AKAP11: variants seen among roughly 807,000 people sequenced by gnomAD.
The protein encoded by AKAP11 is A-kinase anchoring protein 11.
In AKAP11, 36 loss-of-function variants were observed where a neutral mutation model predicts 146.1. The ratio of observed to expected loss-of-function variants is 0.25; its 90% CI spans 0.19 to 0.33. The LOEUF (loss-of-function observed/expected upper bound fraction) is 0.33, where lower values mean the gene tolerates loss of function less well. Among genes scored for constraint, AKAP11 ranks in the 10% least tolerant of loss-of-function variants. The pLI, the probability that AKAP11 is intolerant of heterozygous loss-of-function variation, is 1.00. For synonymous variants in AKAP11, 780 were observed against 786.5 expected, an observed-to-expected ratio of 0.99 and a Z score of 0.14; for missense variants, 2,201 against 2,197.0, an observed-to-expected ratio of 1.00 and a Z score of -0.04.
intron 3 of AKAP11, among the ~76,000 whole-genome samples, chr13:42,291,573 A>T (rs1566264029): frequency 6.6e-6 from 1 of 152,198 alleles, no homozygotes; most frequent in Non-Finnish European, 1.5e-5. Flanking sequence ...TTTGGTGTGG[A>T]TTAAATGATC....
In AKAP11 at chr13:42,319,906, G is replaced by GGTGT. The variant is rs3038992; in HGVS notation, c.*719_*722dup. The GGTGT allele has an allele frequency of 0.058, 7,632 of 132,636 alleles. 288 individuals carry two copies. The highest frequency in any genetic ancestry group is 0.07 in the Non-Finnish European group (4,321 of 62,064). The allele number at this position is 132,636 out of a possible 1,614,324, so 8.2% of individuals were successfully genotyped here. A position where few individuals can be genotyped will look rare whatever the true frequency, so the allele number is the denominator to read the frequency against. ...TGCTGCCAGTCATTCTGGCATGAAA[G>GGTGT]GTGTGTGTGTGTGTGTGTGTGTGTG... On this transcript the variant is annotated 3_prime_UTR_variant, in exon 13 of 13. Coordinates refer to ENST00000025301, the MANE Select transcript of AKAP11 (RefSeq NM_016248.4).
chr13:42,311,267 A>C (rs1960550406), intron 9 of AKAP11, among the ~76,000 whole-genome samples: 1 of 152,186 alleles, frequency 6.6e-6, no homozygotes, highest in South Asian at 2.1e-4. Flanking sequence ...GAAAAGACAT[A>C]AAAGAAAGTG....
At chr13:42,281,950 A>G (rs1055567249) in intron 1 of AKAP11, among the ~76,000 whole-genome samples, 3 of 151,734 alleles carry the variant, frequency 2.0e-5, no homozygotes, top group Non-Finnish European at 2.9e-5. Flanking sequence ...TATGTGTGTC[A>G]GAGTTGTGTC....
intron 9 of AKAP11, among the ~76,000 whole-genome samples, chr13:42,309,332 A>G (rs1306653826): frequency 6.6e-6 from 1 of 152,242 alleles, no homozygotes; most frequent in Non-Finnish European, 1.5e-5. Flanking sequence ...ACTGGAAATA[A>G]TAGATACCAT....
intron 1 of AKAP11, among the ~76,000 whole-genome samples, chr13:42,274,592 A>G (rs1402692420): frequency 6.6e-6 from 1 of 150,968 alleles, no homozygotes; most frequent in Non-Finnish European, 1.5e-5. Context: ...GCTGAGGCAC[A>G]AGAATCGCTT....
rs780634902 is a variant in AKAP11, at chr13:42,300,112, A to C, written c.1366A>C (p.Ser456Arg). The change falls in exon 8 of 13, where the codon AGT becomes CGT. Residue 456 changes from serine to arginine, a missense_variant. Physicochemically the swap from Ser to Arg is moderately radical, Grantham distance 110. Around this residue, in one of 3 missense-constraint regions of AKAP11, gnomAD observed 1,867 missense variants for 1,833.5 expected, o/e 1.02. Coordinates refer to ENST00000025301, the MANE Select transcript of AKAP11 (RefSeq NM_016248.4). ...TAGTCCTATTCGATCCTCTGCTTTTAGTCCTCTTGGAGGCTGTACTCCAGC... is the reference window on the plus strand; with the variant it reads ...TAGTCCTATTCGATCCTCTGCTTTTCGTCCTCTTGGAGGCTGTACTCCAGC... ...LFSPIRSSAFSPLGGCTPAEC... is the reference protein window; with the variant it reads ...LFSPIRSSAFRPLGGCTPAEC... 17 of 1,613,858 alleles carry C rather than the reference A, an allele frequency of 1.1e-5. No homozygotes were observed. The highest frequency in any genetic ancestry group is 1.7e-5 in the Admixed American group (1 of 59,990).
intron 9 of AKAP11, among the ~76,000 whole-genome samples, chr13:42,312,337 T>C (rs1960605237): frequency 6.6e-6 from 1 of 152,218 alleles, no homozygotes; most frequent in African/African-American, 2.4e-5. Context: ...GATTAGGTAG[T>C]GTAAGACATT....
chr13:42,307,802 G>C (rs778473705), intron 8 of AKAP11, among the ~76,000 whole-genome samples: 17 of 151,868 alleles, frequency 1.1e-4, no homozygotes, highest in Non-Finnish European at 2.4e-4. Context: ...GGAAGGTTTT[G>C]ATCCGAAGAC....
chr13:42,304,228 A>G (rs1960134913), intron 8 of AKAP11, among the ~76,000 whole-genome samples: 1 of 152,244 alleles, frequency 6.6e-6, no homozygotes, highest in African/African-American at 2.4e-5. Flanking sequence ...CAATCTGAAA[A>G]TGTTAAATGG....
At chr13:42,286,501 T>C (rs1337764149) in intron 3 of AKAP11, 102 bp downstream of exon 3, 1 of 783,386 alleles carries the variant, frequency 1.3e-6, no homozygotes, top group African/African-American at 1.8e-5. Flanking sequence ...ATGAATCTTA[T>C]TATTTGAATT....
rs774531405 is a variant in AKAP11 at position 42,301,343 on chromosome 13, C to T, written c.2597C>T (p.Pro866Leu). 3.1e-6 allele frequency: 5 copies of T among 1,613,840 alleles called. No homozygotes were observed. The highest frequency in any genetic ancestry group is 2.2e-5 in the South Asian group (2 of 91,034). Reference protein sequence around the residue: ...DIEMQSSSKLPNDPAIISNFS... With the variant: ...DIEMQSSSKLLNDPAIISNFS... ...GAAATGCAGAGTTCCTCAAAATTAC[C>T]AAATGATCCTGCAATTATTAGCAAC... Residue 866 changes from proline (P) to leucine (L), a missense_variant, in exon 8 of 13, where the codon CCA becomes CTA. Around this residue, in one of 3 missense-constraint regions of AKAP11, gnomAD observed 1,867 missense variants for 1,833.5 expected, o/e 1.02. Coordinates refer to ENST00000025301, the MANE Select transcript of AKAP11 (RefSeq NM_016248.4).
At chr13:42,281,059 G>C (rs1392476440) in intron 1 of AKAP11, among the ~76,000 whole-genome samples, 2 of 152,268 alleles carry the variant, frequency 1.3e-5, no homozygotes, top group East Asian at 3.9e-4. Context: ...AGTTGGAAGT[G>C]TCTAATAGGA....
chr13:42,295,049 G>A (rs1959425548), intron 4 of AKAP11, among the ~76,000 whole-genome samples: 1 of 152,142 alleles, frequency 6.6e-6, no homozygotes, highest in African/African-American at 2.4e-5. Context: ...TAAGGATATT[G>A]AAGGAAATAA....
At chr13:42,317,757 T>G (rs565585408) in intron 12 of AKAP11, 69 bp downstream of exon 12, 3 of 1,507,724 alleles carry the variant, frequency 2.0e-6, no homozygotes, top group Middle Eastern at 2.0e-4. Context: ...ATGTGATTGG[T>G]CTAACAAGAT....
At position 42,302,870 on chromosome 13, in the gene AKAP11, C is replaced by T. The variant is rs1960023325; in HGVS notation, c.4124C>T (p.Ser1375Phe). 1 of 1,613,838 alleles carries T rather than the reference C, an allele frequency of 6.2e-7. No homozygotes were observed. Among genetic ancestry groups the T allele is most frequent in the African/African-American group, 1.3e-5 (1 of 74,886 alleles). Residue 1375 changes from serine (S) to phenylalanine (F), a missense_variant, in exon 8 of 13, where the codon TCT (serine) becomes TTT (phenylalanine). Ser to Phe is a radical substitution (Grantham distance 155). This residue lies in a region of AKAP11 where 1,867 missense variants were observed against 1,833.5 expected (regional missense o/e 1.02). Transcript: ENST00000025301. ...TATGCCAATAGGCTTGCCTACCGAT[C>T]TGTTAAATCAGGATTACAGGAAGCA... The part of the protein sequence containing the change: ...DQYANRLAYR[S>F]VKSGLQEAAK...
chr13:42,314,908 T>G (rs868567821), intron 11 of AKAP11, among the ~76,000 whole-genome samples: 3 of 152,184 alleles, frequency 2.0e-5, no homozygotes, highest in Non-Finnish European at 2.9e-5. Flanking sequence ...AGTTTATTCA[T>G]CTGAGTGAAT....
In AKAP11 at chr13:42,301,173, T is replaced by C; in HGVS notation, c.2427T>C (p.Asp809=). Residue 809 remains aspartate, a synonymous_variant, in exon 8 of 13, where the codon GAT becomes GAC. Transcript: ENST00000025301. ...CCAAGGCTCATCTGTCATCTGATGA[T>C]AGTAATTCAAATGGTGATTCTGCCC... ...CQAKAHLSSD[D]SNSNGDSAQV... is the part of the protein sequence containing the mutation. The C allele has an allele frequency of 6.2e-7, 1 of 1,614,116 alleles. No homozygotes were observed. The highest frequency in any genetic ancestry group is 1.1e-5 in the South Asian group (1 of 91,074).
In AKAP11 at chr13:42,285,338, C is replaced by A. The variant is rs201556487; in HGVS notation, c.-99-648C>A. Among the ~76,000 whole-genome samples the A allele has an allele frequency of 5.3e-5, 8 of 152,218 alleles. 1 individual carries two copies. The East Asian group carries it at 1.3e-3, about 26-fold the overall frequency. On this transcript the variant is annotated intron_variant, in intron 1 of 12. Transcript: ENST00000025301. The stretch of plus-strand genomic sequence containing the variant: ...AGACTGCAGGCATGCACCACTGTGC[C>A]TGGCTTCAACTAGGCAGTTCTTGAT...
chr13:42,312,084 T>C (rs566188489), intron 9 of AKAP11, among the ~76,000 whole-genome samples: 1 of 152,154 alleles, frequency 6.6e-6, no homozygotes, highest in African/African-American at 2.4e-5. Context: ...GAACCAAAAT[T>C]TTGGTTTGTA....
Sources: allele counts gnomAD v4.1 joint callset (sites outside exome capture counted in the v4.1 genomes callset), GRCh38; gene constraint gnomAD v4.1.1; regional missense constraint gnomAD v4.1.1; transcripts MANE v1.5; gene names NCBI Gene and HGNC (gene_info 2026-07-23, HGNC 2026-07-21).